Variants in EPHB1 observed in about 807,000 individuals in gnomAD.
EPHB1 encodes the protein EPH receptor B1.
A neutral mutation model predicts 94.4 loss-of-function variants in EPHB1; 30 were observed. The observed-to-expected ratio is 0.32, with a 90% CI of 0.24 to 0.43. The LOEUF (loss-of-function observed/expected upper bound fraction) is 0.43. EPHB1 is among the 20% of genes least tolerant of loss of function. The pLI is 1.00. For missense variants in EPHB1, 1,055 were observed against 1,308.3 expected (o/e 0.81, Z 2.99); for synonymous variants, 522 against 489.1 (o/e 1.07, Z -0.89).
At chr3:134,935,135 G>C (rs2038977246) in intron 2 of EPHB1, among the ~76,000 whole-genome samples, 1 of 152,226 alleles carries the variant, frequency 6.6e-6, no homozygotes, top group Admixed American at 6.5e-5. Flanking sequence ...AGAGGACACA[G>C]GGCTCCTGAC....
intron 3 of EPHB1, among the ~76,000 whole-genome samples, chr3:135,083,789 A>G (rs1032824351): frequency 6.6e-6 from 1 of 152,114 alleles, no homozygotes; most frequent in Non-Finnish European, 1.5e-5. Flanking sequence ...CTGCATATTA[A>G]AAATAATAGA....
intron 5 of EPHB1, among the ~76,000 whole-genome samples, chr3:135,141,709 T>C (rs1457553257): frequency 6.6e-6 from 1 of 152,102 alleles, no homozygotes; most frequent in African/African-American, 2.4e-5. Flanking sequence ...GTGTGAGGCA[T>C]GCTATGAAGT....
At chr3:135,178,661 A>G (rs575953225) in intron 9 of EPHB1, among the ~76,000 whole-genome samples, 1 of 152,146 alleles carries the variant, frequency 6.6e-6, no homozygotes, top group South Asian at 2.1e-4. Context: ...AACAAGCTGT[A>G]GTGGCAAGGG....
intron 1 of EPHB1, among the ~76,000 whole-genome samples, chr3:134,860,182 C>G (rs1368300483): frequency 6.6e-6 from 1 of 151,588 alleles, no homozygotes; most frequent in African/African-American, 2.4e-5. Context: ...GACACACACA[C>G]ACACACACAC....
intron 3 of EPHB1, among the ~76,000 whole-genome samples, chr3:135,014,040 C>A (rs111319335): frequency 6.6e-6 from 1 of 151,990 alleles, no homozygotes; most frequent in Non-Finnish European, 1.5e-5. Flanking sequence ...AAAGGTGGAG[C>A]TGGGTTATTG....
intron 9 of EPHB1, among the ~76,000 whole-genome samples, chr3:135,178,675 G>T (rs1942062052): frequency 6.6e-6 from 1 of 151,978 alleles, no homozygotes; most frequent in Non-Finnish European, 1.5e-5. Flanking sequence ...GCAAGGGGTG[G>T]GGAACATGAA....
At chr3:134,927,638 T>G (rs927817931) in intron 2 of EPHB1, among the ~76,000 whole-genome samples, 3 of 152,206 alleles carry the variant, frequency 2.0e-5, no homozygotes, top group Non-Finnish European at 4.4e-5. Context: ...TTTCCCTTGG[T>G]TTTTGTACAC....
chr3:135,213,432 A>G (rs1943075467), intron 12 of EPHB1, among the ~76,000 whole-genome samples: 1 of 152,216 alleles, frequency 6.6e-6, no homozygotes, highest in Non-Finnish European at 1.5e-5. Flanking sequence ...ATGTGTGTTC[A>G]AATAAACATT....
At chr3:134,879,208 G>A (rs779026975) in intron 1 of EPHB1, among the ~76,000 whole-genome samples, 2 of 152,148 alleles carry the variant, frequency 1.3e-5, no homozygotes, top group Non-Finnish European at 2.9e-5. Flanking sequence ...GCTAGAGGCA[G>A]CACAGAATAG....
At chr3:134,830,718 C>T (rs935801337) in intron 1 of EPHB1, among the ~76,000 whole-genome samples, 8 of 152,142 alleles carry the variant, frequency 5.3e-5, no homozygotes, top group Admixed American at 2.6e-4. Flanking sequence ...TGGGCATGAC[C>T]GTGTTCAAGG....
intron 3 of EPHB1, among the ~76,000 whole-genome samples, chr3:135,009,861 C>CT (rs1157920583): frequency 1.3e-5 from 2 of 152,160 alleles, no homozygotes; most frequent in African/African-American, 4.8e-5. Context: ...TTTTAAAGAA[C>CT]TTTTTTGTGT....
intron 2 of EPHB1, among the ~76,000 whole-genome samples, chr3:134,935,462 A>G (rs2038983182): frequency 6.6e-6 from 1 of 152,250 alleles, no homozygotes; most frequent in East Asian, 1.9e-4. Context: ...CAATAGTATG[A>G]AGGATCATGC....
intron 3 of EPHB1, among the ~76,000 whole-genome samples, chr3:135,047,903 T>C (rs1032760153): frequency 4.6e-5 from 7 of 152,164 alleles, no homozygotes; most frequent in Non-Finnish European, 1.0e-4. Flanking sequence ...CCCCTCCCCC[T>C]ACAACAAATA....
At chr3:135,216,486 G>A (rs993505829) in intron 12 of EPHB1, among the ~76,000 whole-genome samples, 17 of 151,902 alleles carry the variant, frequency 1.1e-4, no homozygotes, top group African/African-American at 3.9e-4. Flanking sequence ...ACTTTGGGAG[G>A]CCAAAGTGGG....
intron 1 of EPHB1, among the ~76,000 whole-genome samples, chr3:134,923,310 G>A (rs1415127047): frequency 6.6e-6 from 1 of 152,132 alleles, no homozygotes; most frequent in African/African-American, 2.4e-5. Context: ...TGCTATCTGG[G>A]TTACAGGTAG....
intron 3 of EPHB1, among the ~76,000 whole-genome samples, chr3:134,997,556 T>C (rs1338595775): frequency 6.6e-6 from 1 of 152,204 alleles, no homozygotes; most frequent in Admixed American, 6.5e-5. Context: ...TTCTTTCATA[T>C]TTGCTTTCTA....
intron 3 of EPHB1, among the ~76,000 whole-genome samples, chr3:135,100,095 A>T (rs748647181): frequency 2.6e-5 from 4 of 152,194 alleles, no homozygotes; most frequent in Non-Finnish European, 5.9e-5. Flanking sequence ...CAGAAGAAGT[A>T]ATCAGATTAT....
At chr3:135,194,233 C>A (rs559085261) in intron 11 of EPHB1, among the ~76,000 whole-genome samples, 3 of 152,292 alleles carry the variant, frequency 2.0e-5, no homozygotes, top group Non-Finnish European at 4.4e-5. Flanking sequence ...GATGGGAGAT[C>A]TTGTTGTGTT....
chr3:134,852,303 G>A (rs1287990546), intron 1 of EPHB1, among the ~76,000 whole-genome samples: 2 of 152,098 alleles, frequency 1.3e-5, no homozygotes, highest in South Asian at 2.1e-4. Flanking sequence ...GCTTTTCACA[G>A]ATGGCTCTGT....
Sources: allele counts gnomAD v4.1 joint callset (sites outside exome capture counted in the v4.1 genomes callset), GRCh38; gene constraint gnomAD v4.1.1; transcripts MANE v1.5; gene names NCBI Gene and HGNC (gene_info 2026-07-23, HGNC 2026-07-21).